The following CADM1 variants were observed in gnomAD, a reference collection of about 807,000 sequenced individuals.
CADM1 encodes cell adhesion molecule 1.
In CADM1, 15 loss-of-function variants were observed where a neutral mutation model predicts 53.1. That is an observed-to-expected ratio of 0.28 (90% confidence interval 0.19 to 0.44). The LOEUF is 0.44. Ranked by LOEUF, CADM1 falls within the 20% of genes least tolerant of loss-of-function variation. The pLI is 1.00. For synonymous variants in CADM1, 281 were observed against 243.0 expected, an observed-to-expected ratio of 1.16 and a Z score of -1.45; for missense variants, 434 against 611.3, an observed-to-expected ratio of 0.71 and a Z score of 3.06.
At chr11:115,208,085 T>G (rs144101547) in intron 8 of CADM1, among the ~76,000 whole-genome samples, 1 of 152,276 alleles carries the variant, frequency 6.6e-6, no homozygotes, top group African/African-American at 2.4e-5. Flanking sequence ...ACAAACTGAG[T>G]TTACTTAAGT....
chr11:115,493,921 T>C (rs1173600090), intron 1 of CADM1, among the ~76,000 whole-genome samples: 2 of 152,176 alleles, frequency 1.3e-5, no homozygotes, highest in Non-Finnish European at 2.9e-5. Context: ...CCATATCCAA[T>C]GTGTGATCTC....
chr11:115,187,494 T>C (rs1367449841), intron 10 of CADM1, among the ~76,000 whole-genome samples: 1 of 152,182 alleles, frequency 6.6e-6, no homozygotes, highest in Non-Finnish European at 1.5e-5. Context: ...AGCGGCGTCA[T>C]CTCGGCTTAC....
At chr11:115,469,779 C>A (rs947473815) in intron 1 of CADM1, among the ~76,000 whole-genome samples, 3 of 143,726 alleles carry the variant, frequency 2.1e-5, no homozygotes, top group Non-Finnish European at 4.5e-5. Context: ...TCAAGAGATT[C>A]TCCTGCCTCA....
At chr11:115,284,552 G>C (rs1229469419) in intron 1 of CADM1, among the ~76,000 whole-genome samples, 1 of 151,438 alleles carries the variant, frequency 6.6e-6, no homozygotes, top group Non-Finnish European at 1.5e-5. Flanking sequence ...GAGGAAGATA[G>C]TTTTCAAAAA....
chr11:115,332,345 G>A (rs1295078051), intron 1 of CADM1, among the ~76,000 whole-genome samples: 2 of 152,164 alleles, frequency 1.3e-5, no homozygotes, highest in African/African-American at 2.4e-5. Context: ...ATTCAAAGTG[G>A]AGCAGATCTA....
intron 1 of CADM1, among the ~76,000 whole-genome samples, chr11:115,332,668 T>C (rs1350925214): frequency 6.6e-6 from 1 of 152,164 alleles, no homozygotes; most frequent in Non-Finnish European, 1.5e-5. Context: ...GAAGATCATA[T>C]TGATTATAGG....
intron 5 of CADM1, among the ~76,000 whole-genome samples, chr11:115,223,480 G>C (rs1014406105): frequency 6.6e-6 from 1 of 152,172 alleles, no homozygotes; most frequent in African/African-American, 2.4e-5. Flanking sequence ...CACTATGTAA[G>C]TATTCAATGT....
chr11:115,174,146 G>C lies in CADM1; in HGVS notation c.*2328C>G. The C allele has an allele frequency of 8.1e-6, 8 of 985,324 alleles. No individual in the cohort carries two copies. The highest frequency in any genetic ancestry group is 9.6e-6 in the Non-Finnish European group (8 of 829,894). 61.0% of individuals were successfully genotyped at this position (985,324 alleles called of 1,614,324 possible). On this transcript the variant is annotated 3_prime_UTR_variant, in exon 12 of 12. Coordinates refer to ENST00000331581, the MANE Select transcript of CADM1 (RefSeq NM_001301043.2). ...CACCAATCGCAACACATGAACCTGA[G>C]ACATGTCAACATTGTAAGCCATAAA...
chr11:115,217,108 C>G (rs866153730), intron 6 of CADM1, among the ~76,000 whole-genome samples: 1 of 152,104 alleles, frequency 6.6e-6, no homozygotes, highest in Non-Finnish European at 1.5e-5. Flanking sequence ...CACTAAGGAA[C>G]AGTTAAAAAC....
At chr11:115,443,100 C>T (rs894509316) in intron 1 of CADM1, among the ~76,000 whole-genome samples, 1 of 152,118 alleles carries the variant, frequency 6.6e-6, no homozygotes, top group African/African-American at 2.4e-5. Flanking sequence ...TATTCTGAAG[C>T]TAAAGTCGAG....
intron 1 of CADM1, among the ~76,000 whole-genome samples, chr11:115,274,456 T>G (rs542358093): frequency 2.6e-5 from 4 of 152,242 alleles, no homozygotes; most frequent in Non-Finnish European, 5.9e-5. Flanking sequence ...AAAAGTCTAC[T>G]TCTTCCCTTG....
intron 1 of CADM1, among the ~76,000 whole-genome samples, chr11:115,487,538 T>A (rs778823064): frequency 7.9e-5 from 12 of 152,098 alleles, no homozygotes; most frequent in Non-Finnish European, 1.8e-4. Context: ...TGGGAGATCA[T>A]TTTCGGTTAA....
chr11:115,481,567 G>T (rs1949257882), intron 1 of CADM1, among the ~76,000 whole-genome samples: 1 of 152,148 alleles, frequency 6.6e-6, no homozygotes, highest in East Asian at 1.9e-4. Context: ...ACAGAGTGCT[G>T]CTAGGTATCT....
intron 1 of CADM1, among the ~76,000 whole-genome samples, chr11:115,475,302 A>C (rs887884383): frequency 6.6e-6 from 1 of 151,960 alleles, no homozygotes; most frequent in Middle Eastern, 3.2e-3. Flanking sequence ...CCTTAGGCTA[A>C]GAATTTTTAT....
chr11:115,170,767 G>A lies in CADM1; in HGVS notation c.*5707C>T, dbSNP rs913692985. 1 of 152,170 alleles carries A rather than the reference G, an allele frequency of 6.6e-6. No homozygotes were observed. The highest frequency in any genetic ancestry group is 1.5e-5 in the Non-Finnish European group (1 of 68,048). The allele number at this position is 152,170 out of a possible 1,614,324, so 9.4% of individuals were successfully genotyped here. A position where few individuals can be genotyped will look rare whatever the true frequency, so the allele number is the denominator to read the frequency against. ...TGATAGCAATACTAAGGCTTTGCTT[G>A]GCCATTACCCAAAATGATATTCCCT... On this transcript the variant is annotated 3_prime_UTR_variant, in exon 12 of 12. Coordinates refer to ENST00000331581, the MANE Select transcript of CADM1 (RefSeq NM_001301043.2).
At chr11:115,287,470 T>C (rs542586410) in intron 1 of CADM1, 12 of 152,334 alleles carry the variant, frequency 7.9e-5, no homozygotes, top group African/African-American at 2.9e-4. Flanking sequence ...ACAGGCACAC[T>C]CTGCTGCTTC....
intron 1 of CADM1, among the ~76,000 whole-genome samples, chr11:115,292,954 GGATA>G (rs1395329099): frequency 1.3e-5 from 2 of 152,162 alleles, no homozygotes; most frequent in Non-Finnish European, 2.9e-5. Context: ...GATAATTACT[GGATA>G]GATCTTTTGA....
chr11:115,391,707 A>G (rs1442820418), intron 1 of CADM1, among the ~76,000 whole-genome samples: 2 of 152,132 alleles, frequency 1.3e-5, no homozygotes, highest in East Asian at 3.8e-4. Context: ...ATCTCACTCC[A>G]CCCTCAGATT....
chr11:115,239,314 T>C (rs1942131955), intron 2 of CADM1, among the ~76,000 whole-genome samples: 1 of 152,206 alleles, frequency 6.6e-6, no homozygotes, highest in Non-Finnish European at 1.5e-5. Flanking sequence ...CTGCCAAAAG[T>C]GGATGACCTC....
Sources: gnomAD v4.1 joint callset for allele counts (sites outside exome capture counted in the v4.1 genomes callset) on GRCh38, gnomAD v4.1.1 for gene constraint, MANE v1.5 for transcripts, NCBI Gene and HGNC (gene_info 2026-07-23, HGNC 2026-07-21) for gene names.